ZBBX: variants seen among roughly 807,000 people sequenced by gnomAD.
The protein encoded by ZBBX is zinc finger B-box domain-containing protein 1.
In ZBBX, 101 loss-of-function variants were observed where a neutral mutation model predicts 108.5. That is an observed-to-expected ratio of 0.93 (90% CI 0.79 to 1.10). The LOEUF (loss-of-function observed/expected upper bound fraction) is 1.10, where lower values mean the gene tolerates loss of function less well. Ranked by LOEUF, ZBBX falls within the 50% of genes least tolerant of loss-of-function variation. The pLI, the probability that ZBBX is intolerant of heterozygous loss-of-function variation, is 0.00. For synonymous variants in ZBBX, 356 were observed against 323.4 expected, an observed-to-expected ratio of 1.10 and a Z score of -1.08; for missense variants, 1,009 against 941.4, an observed-to-expected ratio of 1.07 and a Z score of -0.94.
chr3:167,180,943 A>G, the ZBBX span, among the ~76,000 whole-genome samples: 2,031 of 152,250 alleles, frequency 0.013, 22 homozygotes, highest in South Asian at 0.026. Flanking sequence ...TCTTAATAAC[A>G]AAGACTGGAG....
rs571696270 is a variant in ZBBX at position 167,265,610 on chromosome 3, C to T, written c.2254+16628G>A. On this transcript the variant is annotated intron_variant, in intron 20 of 21. Transcript: ENST00000675490. ...AGGTGGTGTCTCTCTAGGTCATGTG[C>T]CATGCTTGTTCACTGACTCTAAGCC... is the stretch of plus-strand genomic sequence containing the variant. Among the ~76,000 whole-genome samples, 13 of 152,268 alleles carry T rather than the reference C, an allele frequency of 8.5e-5. No individual in the cohort carries two copies. The East Asian group carries it at 2.1e-3, about 25-fold the overall frequency.
In ZBBX at chr3:167,300,186, T is replaced by A. The variant is rs1732392462; in HGVS notation, c.1726-1728A>T. Among the ~76,000 whole-genome samples the A allele has an allele frequency of 3.9e-5, 6 of 152,176 alleles. No individual in the cohort carries two copies. In the South Asian group the frequency reaches 1.2e-3, roughly 31 times the overall value. ...ATTATTTTATTTATAAAAGGGGCAA[T>A]CCTGGAGTCAGAAACCCATTAGTTT... On this transcript the variant is annotated intron_variant, in intron 17 of 21. Transcript: ENST00000675490.
intron 12 of ZBBX, among the ~76,000 whole-genome samples, chr3:167,317,922 TA>T (rs1272094636): frequency 6.6e-6 from 1 of 152,034 alleles, no homozygotes; most frequent in Non-Finnish European, 1.5e-5. Context: ...CCATGCTACT[TA>T]AAAAGCTAAT....
chr3:167,191,934 T>TATATATATATATATATAG, the ZBBX span, among the ~76,000 whole-genome samples: 4 of 130,224 alleles, frequency 3.1e-5, no homozygotes, highest in South Asian at 2.4e-4. Context: ...TATATATATA[T>TATATATATATATATATAG]AGAGCAAGTT....
intron 20 of ZBBX, among the ~76,000 whole-genome samples, chr3:167,269,361 A>G (rs1726137814): frequency 6.6e-6 from 1 of 152,234 alleles, no homozygotes; most frequent in Non-Finnish European, 1.5e-5. Context: ...TGATTGACTC[A>G]TATCCAATTT....
intron 1 of ZBBX, among the ~76,000 whole-genome samples, chr3:167,405,157 T>C (rs1009213595): frequency 9.2e-5 from 14 of 152,190 alleles, no homozygotes; most frequent in Non-Finnish European, 1.3e-4. Context: ...GAAATGTCTG[T>C]GAGACATTGT....
At chr3:167,405,064 T>C (rs1748542996) in intron 1 of ZBBX, among the ~76,000 whole-genome samples, 1 of 152,170 alleles carries the variant, frequency 6.6e-6, no homozygotes, top group Non-Finnish European at 1.5e-5. Context: ...GGAGACTGCA[T>C]GGATGCTTTT....
intron 18 of ZBBX, among the ~76,000 whole-genome samples, chr3:167,295,624 T>C (rs566503246): frequency 1.3e-4 from 19 of 149,978 alleles, no homozygotes; most frequent in Non-Finnish European, 2.2e-4. Context: ...CGTGTATACC[T>C]ATGTAACAAA....
chr3:167,363,509 C>G (rs1744848419), intron 6 of ZBBX, among the ~76,000 whole-genome samples: 1 of 151,974 alleles, frequency 6.6e-6, no homozygotes, highest in Non-Finnish European at 1.5e-5. Context: ...TCTTGTCTCA[C>G]ACACACACAA....
chr3:167,373,364 C>G (rs1460474859), intron 3 of ZBBX, among the ~76,000 whole-genome samples: 3 of 152,098 alleles, frequency 2.0e-5, no homozygotes, highest in Non-Finnish European at 4.4e-5. Context: ...CTGTGGAAAC[C>G]TAGAAATGAC....
rs555651100 is a variant in ZBBX at position 167,372,646 on chromosome 3, G to A, written c.68+188C>T. 9.9e-5 allele frequency among the ~76,000 whole-genome samples: 15 copies of A among 152,180 alleles called. No homozygotes were observed. In the South Asian group the frequency reaches 3.1e-3, roughly 32 times the overall value. On this transcript the variant is annotated intron_variant, in intron 4 of 21. Coordinates refer to ENST00000675490, the MANE Select transcript of ZBBX (RefSeq NM_001199201.2). ...TTTATAACTTGTCACATTGGTTCTTGTGGAATAAATATTTTTAATCCTCAT... is the reference window on the plus strand; with the variant it reads ...TTTATAACTTGTCACATTGGTTCTTATGGAATAAATATTTTTAATCCTCAT...
At chr3:167,192,390 TG>T in the ZBBX span, among the ~76,000 whole-genome samples, 1 of 152,276 alleles carries the variant, frequency 6.6e-6, no homozygotes, top group South Asian at 2.1e-4. Flanking sequence ...AGACCTTTGC[TG>T]GGTATAGTAT....
chr3:167,370,408 G>A (rs956160749), intron 4 of ZBBX, among the ~76,000 whole-genome samples: 6 of 152,130 alleles, frequency 3.9e-5, no homozygotes, highest in Non-Finnish European at 7.4e-5. Flanking sequence ...ATTCTGAAAT[G>A]GGCCACAGGT....
intron 15 of ZBBX, among the ~76,000 whole-genome samples, chr3:167,315,261 G>A (rs916852627): frequency 1.4e-4 from 22 of 152,086 alleles, no homozygotes; most frequent in Admixed American, 9.8e-4. Flanking sequence ...ATTACAAAGT[G>A]AACCATTATA....
intron 9 of ZBBX, among the ~76,000 whole-genome samples, 185 bp from the exon 10 acceptor site, chr3:167,334,170 G>A (rs1482780725): frequency 6.6e-6 from 1 of 152,132 alleles, no homozygotes; most frequent in East Asian, 1.9e-4. Context: ...TCTACTGAGG[G>A]AACTAGTTTG....
downstream of ZBBX, among the ~76,000 whole-genome samples, chr3:167,237,013 G>A (rs1324674663): frequency 6.6e-6 from 1 of 151,810 alleles, no homozygotes; most frequent in Non-Finnish European, 1.5e-5. Flanking sequence ...AGGATAAGAT[G>A]AGCATTGCTC....
chr3:167,215,197 C>T, the ZBBX span, among the ~76,000 whole-genome samples: 1 of 151,884 alleles, frequency 6.6e-6, no homozygotes, highest in South Asian at 2.1e-4. Context: ...AATCCAGGAA[C>T]TGCTTTTTTT....
chr3:167,288,248 G>T (rs777966574), intron 19 of ZBBX, among the ~76,000 whole-genome samples: 2 of 152,086 alleles, frequency 1.3e-5, no homozygotes, highest in Non-Finnish European at 2.9e-5. Context: ...TGATTTTAAT[G>T]ATGTTATATG....
At chr3:167,339,223 GA>G (rs201402834) in intron 9 of ZBBX, among the ~76,000 whole-genome samples, 3 of 151,744 alleles carry the variant, frequency 2.0e-5, no homozygotes, top group Admixed American at 1.3e-4. Context: ...AAAACCATAA[GA>G]AAAAAACCTG....
Sources: gnomAD v4.1 joint callset for allele counts (sites outside exome capture counted in the v4.1 genomes callset) on GRCh38, gnomAD v4.1.1 for gene constraint, MANE v1.5 for transcripts, NCBI Gene and HGNC (gene_info 2026-07-23, HGNC 2026-07-21) for gene names.